Variants in SPAG16 observed in about 807,000 individuals in gnomAD.
SPAG16 encodes sperm-associated antigen 16 protein.
Under a neutral mutation model 80.4 loss-of-function variants are expected in SPAG16, and 86 were observed. The observed-to-expected ratio is 1.07, with a 90% CI of 0.90 to 1.28. The LOEUF is 1.28. SPAG16 is among the 50% of genes most tolerant of loss of function. The pLI, the probability that SPAG16 is intolerant of heterozygous loss-of-function variation, is 0.00. For missense variants in SPAG16, 870 were observed against 765.3 expected, an observed-to-expected ratio of 1.14 and a Z score of -1.61; for synonymous variants, 294 against 265.9, an observed-to-expected ratio of 1.11 and a Z score of -1.03.
chr2:214,312,073 T>C (rs1199612390), intron 15 of SPAG16, among the ~76,000 whole-genome samples: 1 of 152,200 alleles, frequency 6.6e-6, no homozygotes, highest in African/African-American at 2.4e-5. Flanking sequence ...ATAAGAGGAA[T>C]TATTCAAAGA....
chr2:214,262,064 A>G (rs980320777), intron 15 of SPAG16, among the ~76,000 whole-genome samples: 26 of 152,200 alleles, frequency 1.7e-4, no homozygotes, highest in African/African-American at 6.3e-4. Context: ...TTTACATTAG[A>G]TATATAATTA....
intron 15 of SPAG16, among the ~76,000 whole-genome samples, chr2:214,317,407 G>T (rs991345487): frequency 2.6e-5 from 4 of 152,196 alleles, no homozygotes; most frequent in Non-Finnish European, 5.9e-5. Flanking sequence ...TGAAACATCA[G>T]TCTCCCAAAT....
Position 213,340,274 on chromosome 2 carries a change from A to G in SPAG16, c.644+4A>G, listed in dbSNP as rs1239490676. 1.3e-6 allele frequency: 2 copies of G among 1,542,296 alleles called. No homozygotes were observed. The highest frequency in any genetic ancestry group is 1.8e-6 in the Non-Finnish European group (2 of 1,124,204). On this transcript the variant is annotated splice_donor_region_variant and intron_variant, in intron 6 of 15. Coordinates refer to ENST00000331683, the MANE Select transcript of SPAG16 (RefSeq NM_024532.5). ...AATTAATTAATGACCTCAAAGGGTA[A>G]GCTTATACTTGTTGGCATATTTATT...
intron 12 of SPAG16, among the ~76,000 whole-genome samples, chr2:213,970,488 A>C (rs969820104): frequency 2.0e-5 from 3 of 151,990 alleles, no homozygotes; most frequent in African/African-American, 7.2e-5. Context: ...GTTTTTGTAG[A>C]GACAGGTTTC....
chr2:213,732,698 C>A (rs533983559), intron 10 of SPAG16, among the ~76,000 whole-genome samples: 1 of 152,132 alleles, frequency 6.6e-6, no homozygotes, highest in Non-Finnish European at 1.5e-5. Context: ...TCTTCCTATC[C>A]ATGAGCATGG....
At chr2:213,871,871 CACACACACAGAGAGAGAGAGAGAG>C (rs1212184155) in intron 11 of SPAG16, among the ~76,000 whole-genome samples, 16 of 33,102 alleles carry the variant, frequency 4.8e-4, no homozygotes, top group African/African-American at 8.3e-4. Context: ...CACACACACA[CACACACACAGAGAGAGAGAGAGAG>C]AGAGCAAACA....
chr2:213,640,221 G>T (rs1231860230), intron 10 of SPAG16, among the ~76,000 whole-genome samples: 1 of 151,928 alleles, frequency 6.6e-6, no homozygotes, highest in Non-Finnish European at 1.5e-5. Flanking sequence ...CTTAATAATT[G>T]ACCTTCTGAA....
intron 12 of SPAG16, among the ~76,000 whole-genome samples, chr2:213,941,940 T>C (rs747477724): frequency 6.6e-6 from 1 of 152,208 alleles, no homozygotes; most frequent in Non-Finnish European, 1.5e-5. Flanking sequence ...TTTTCTACTC[T>C]GTGAGCACCA....
chr2:213,439,816 A>G (rs912855354), intron 9 of SPAG16, among the ~76,000 whole-genome samples: 3 of 152,340 alleles, frequency 2.0e-5, no homozygotes, highest in Middle Eastern at 3.4e-3. Flanking sequence ...TGGATACTAA[A>G]TAAATAAACA....
chr2:213,368,816 G>A (rs2066472279), intron 8 of SPAG16, among the ~76,000 whole-genome samples: 2 of 152,158 alleles, frequency 1.3e-5, no homozygotes, highest in African/African-American at 2.4e-5. Flanking sequence ...ATTCACAGTT[G>A]CTTCAAAGAG....
chr2:213,847,057 C>T (rs1479684594), intron 10 of SPAG16, among the ~76,000 whole-genome samples: 1 of 152,168 alleles, frequency 6.6e-6, no homozygotes, highest in Admixed American at 6.5e-5. Flanking sequence ...TTTCATGACT[C>T]TTGCCAACAT....
chr2:213,662,486 G>C (rs1252330538), intron 10 of SPAG16, among the ~76,000 whole-genome samples: 5 of 152,136 alleles, frequency 3.3e-5, no homozygotes, highest in African/African-American at 9.7e-5. Flanking sequence ...AGGATTTTGT[G>C]TGTTATCCCA....
chr2:213,317,196 C>T (rs905029376), intron 4 of SPAG16, 23 bp from the exon 5 acceptor site: 1 of 1,475,454 alleles, frequency 6.8e-7, no homozygotes. Context: ...TGATATAAAC[C>T]CTTTTGTTTG....
chr2:213,907,160 A>G (rs1291318543), intron 11 of SPAG16, among the ~76,000 whole-genome samples: 3 of 152,174 alleles, frequency 2.0e-5, no homozygotes, highest in Non-Finnish European at 4.4e-5. Flanking sequence ...AAAGGACTCA[A>G]CAGCAAAAAC....
chr2:213,977,840 G>A (rs1575707396), intron 12 of SPAG16, among the ~76,000 whole-genome samples: 1 of 151,946 alleles, frequency 6.6e-6, no homozygotes, highest in East Asian at 1.9e-4. Flanking sequence ...CAACTTTGTA[G>A]ATCTTCTGTG....
intron 13 of SPAG16, among the ~76,000 whole-genome samples, chr2:214,103,820 C>G (rs11695596): frequency 0.23 from 35,609 of 151,880 alleles, 4,528 homozygotes; most frequent in Middle Eastern, 0.28. Context: ...GGGTGAGAAC[C>G]GGGTGTACCT....
In SPAG16 at chr2:213,386,152, G is replaced by A. The variant is rs189274934; in HGVS notation, c.942+11033G>A. ...CAGAATTGTGGCCTTGTCTTAAATCGTATTCTTCCCAATGTCTTCCAAACT... is the reference window on the plus strand; with the variant it reads ...CAGAATTGTGGCCTTGTCTTAAATCATATTCTTCCCAATGTCTTCCAAACT... On this transcript the variant is annotated intron_variant, in intron 9 of 15. Transcript: ENST00000331683. 5.3e-5 allele frequency among the ~76,000 whole-genome samples: 8 copies of A among 151,964 alleles called. No individual in the cohort carries two copies. The East Asian group carries it at 9.7e-4, about 18-fold the overall frequency.
intron 13 of SPAG16, among the ~76,000 whole-genome samples, chr2:214,060,782 CAAAT>C (rs2050221553): frequency 6.6e-6 from 1 of 151,960 alleles, no homozygotes; most frequent in Admixed American, 6.6e-5. Flanking sequence ...TGCTACAACA[CAAAT>C]AAATCTCAAG....
At chr2:214,097,810 A>G (rs1275486419) in intron 13 of SPAG16, among the ~76,000 whole-genome samples, 1 of 152,102 alleles carries the variant, frequency 6.6e-6, no homozygotes, top group Non-Finnish European at 1.5e-5. Flanking sequence ...TGCAATCTGC[A>G]TATTATGACT....
Sources: allele counts gnomAD v4.1 joint callset (sites outside exome capture counted in the v4.1 genomes callset), GRCh38; gene constraint gnomAD v4.1.1; transcripts MANE v1.5; gene names NCBI Gene and HGNC (gene_info 2026-07-23, HGNC 2026-07-21).